The following PFDN6 variants were observed in gnomAD, a reference collection of about 807,000 sequenced individuals.
The protein encoded by PFDN6 is HLA class II region expressed gene KE2.
PFDN6 carries 5 observed loss-of-function variants against 19.3 expected under a neutral mutation model. The observed-to-expected ratio is 0.26, with a 90% CI of 0.14 to 0.55. The LOEUF is 0.55. Among genes scored for constraint, PFDN6 ranks in the 20% least tolerant of loss-of-function variants. The probability of loss-of-function intolerance (pLI) is 0.94; values close to 1 mark genes in which losing one functional copy is unlikely to be tolerated. For synonymous variants in PFDN6, 51 were observed against 63.4 expected (o/e 0.80, Z 0.93); for missense variants, 101 against 149.4 (o/e 0.68, Z 1.69).
intron 3 of PFDN6, 99 bp downstream of exon 3, chr6:33,290,549 C>A: frequency 6.7e-7 from 1 of 1,482,702 alleles, no homozygotes; most frequent in South Asian, 1.3e-5. Flanking sequence ...TCCATAGTGG[C>A]CCCTAGTCCT....
intron 1 of PFDN6, 113 bp from the exon 2 acceptor site, chr6:33,290,061 C>CA: frequency 7.5e-7 from 1 of 1,333,610 alleles, no homozygotes; most frequent in Non-Finnish European, 1.1e-6. Context: ...CCTGTTCACT[C>CA]ACCCGCTGCC....
chr6:33,289,495 C>T, upstream of PFDN6: 1 of 1,212,976 alleles, frequency 8.2e-7, no homozygotes. Flanking sequence ...GTCTTTTTAG[C>T]AGAACTCCAC....
Position 33,289,812 on chromosome 6 carries a change from G to A in PFDN6, c.-45G>A. 1.3e-6 allele frequency: 2 copies of A among 1,498,332 alleles called. No individual in the cohort carries two copies. Among genetic ancestry groups the A allele is most frequent in the South Asian group, 2.5e-5 (2 of 79,182 alleles). The allele number at this position is 1,498,332 out of a possible 1,614,324, so 92.8% of individuals were successfully genotyped here. On this transcript the variant is annotated 5_prime_UTR_variant, in exon 1 of 4. Transcript: ENST00000374606. ...AGCTCAGGTACCTTCCAGAGAGTGA[G>A]ACCCAGCGCCCTTGTCTCGCACCCA...
chr6:33,289,630 T>C lies in PFDN6; in HGVS notation c.-227T>C. ...CTACTGAAGGAAGAACGTGAGTAGG[T>C]TAGGATTTCGGTTGAGAGGCTTGGG... On this transcript the variant is annotated 5_prime_UTR_variant, in exon 1 of 4. Transcript: ENST00000374606. The C allele has an allele frequency of 3.5e-6, 2 of 576,954 alleles. No individual in the cohort carries two copies. Among genetic ancestry groups the C allele is most frequent in the Non-Finnish European group, 5.4e-6 (2 of 367,564 alleles). The allele number at this position is 576,954 out of a possible 1,614,324, so 35.7% of individuals were successfully genotyped here.
At chr6:33,289,277 C>T, upstream of PFDN6, 2 of 1,510,532 alleles carry the variant, frequency 1.3e-6, no homozygotes, top group South Asian at 1.3e-5. Flanking sequence ...CAGCAGCGTA[C>T]CAGGTATGAA....
Position 33,289,923 on chromosome 6 carries a change from A to G in PFDN6, c.64+3A>G. ...GAAATATCAACAGCTACAGAAGGGTAAGGGAACAGGGTCGGTATGGTCTCG... is the reference window on the plus strand; with the variant it reads ...GAAATATCAACAGCTACAGAAGGGTGAGGGAACAGGGTCGGTATGGTCTCG... On this transcript the variant is annotated splice_donor_region_variant and intron_variant, in intron 1 of 3. Coordinates refer to ENST00000374606, the MANE Select transcript of PFDN6 (RefSeq NM_001185181.3). 2 of 1,606,642 alleles carry G rather than the reference A, an allele frequency of 1.2e-6. No homozygotes were observed. The highest frequency in any genetic ancestry group is 1.7e-4 in the Middle Eastern group (1 of 6,028).
chr6:33,290,290 A>G (rs773504095), intron 2 of PFDN6, 36 bp from the exon 3 acceptor site: 16 of 1,613,946 alleles, frequency 9.9e-6, no homozygotes, highest in African/African-American at 1.3e-5. Flanking sequence ...TGTACTAGCC[A>G]TGGTTCTGAT....
upstream of PFDN6, chr6:33,289,360 C>A (rs1440683985): frequency 4.5e-6 from 6 of 1,333,904 alleles, no homozygotes; most frequent in Middle Eastern, 2.8e-4. Context: ...CACCTTATCG[C>A]GAGCGGCAGC....
chr6:33,289,643 T>C lies in PFDN6; in HGVS notation c.-214T>C. On this transcript the variant is annotated 5_prime_UTR_variant, in exon 1 of 4. Coordinates refer to ENST00000374606, the MANE Select transcript of PFDN6 (RefSeq NM_001185181.3). ...AACGTGAGTAGGTTAGGATTTCGGT[T>C]GAGAGGCTTGGGGTCTTGCGTTTCG... 1 of 561,880 alleles carries C rather than the reference T, an allele frequency of 1.8e-6. No homozygotes were observed. The highest frequency in any genetic ancestry group is 2.8e-6 in the Non-Finnish European group (1 of 352,068). The allele number at this position is 561,880 out of a possible 1,614,324, so 34.8% of individuals were successfully genotyped here.
chr6:33,290,712 T>A lies in PFDN6; in HGVS notation c.261-4T>A. 1 of 1,613,360 alleles carries A rather than the reference T, an allele frequency of 6.2e-7. No homozygotes were observed. The stretch of plus-strand genomic sequence containing the variant: ...TTCTGCTTGTCTCCCTTGTCTCTCC[T>A]TAGTAAGCGATACGAATCCCAGCTT... On this transcript the variant is annotated splice_region_variant and splice_polypyrimidine_tract_variant and intron_variant, in intron 3 of 3. Coordinates refer to ENST00000374606, the MANE Select transcript of PFDN6 (RefSeq NM_001185181.3).
chr6:33,290,555 G>A, intron 3 of PFDN6, 105 bp downstream of exon 3: 1 of 1,479,234 alleles, frequency 6.8e-7, no homozygotes, highest in Non-Finnish European at 9.1e-7. Flanking sequence ...GTGGCCCCTA[G>A]TCCTCCAGTT....
At chr6:33,290,564 T>C in intron 3 of PFDN6, 114 bp downstream of exon 3, 1 of 1,467,862 alleles carries the variant, frequency 6.8e-7, no homozygotes, top group South Asian at 1.3e-5. Flanking sequence ...AGTCCTCCAG[T>C]TCCTCCAACC....
In PFDN6 at chr6:33,290,871, A is replaced by G; in HGVS notation, c.*26A>G. On this transcript the variant is annotated 3_prime_UTR_variant, in exon 4 of 4. Coordinates refer to ENST00000374606, the MANE Select transcript of PFDN6 (RefSeq NM_001185181.3). Reference sequence around the variant, plus strand: ...CCCCATGGTGGGGGGAGGGGAGGGGAGGGGAGGGAATGAGGCAGCTCTAGG... The same window carrying G: ...CCCCATGGTGGGGGGAGGGGAGGGGGGGGGAGGGAATGAGGCAGCTCTAGG... The G allele has an allele frequency of 1.1e-6, 1 of 879,036 alleles. No individual in the cohort carries two copies. Among genetic ancestry groups the G allele is most frequent in the Non-Finnish European group, 1.7e-6 (1 of 575,278 alleles). 54.5% of individuals were successfully genotyped at this position (879,036 alleles called of 1,614,324 possible).
rs1188565755 is a variant in PFDN6 at position 33,289,725 on chromosome 6, G to A, written c.-132G>A. ...ATATCCGGGACGGGGGGGAGGTTGCGGTGCCCCTCAGGGCTACCTCTCAAG... is the reference window on the plus strand; with the variant it reads ...ATATCCGGGACGGGGGGGAGGTTGCAGTGCCCCTCAGGGCTACCTCTCAAG... On this transcript the variant is annotated 5_prime_UTR_variant, in exon 1 of 4. Transcript: ENST00000374606. 1.0e-5 allele frequency: 7 copies of A among 678,752 alleles called. No individual in the cohort carries two copies. The African/African-American group carries it at 1.3e-4, about 12-fold the overall frequency. The allele number at this position is 678,752 out of a possible 1,614,324, so 42.0% of individuals were successfully genotyped here.
At chr6:33,289,223 A>T, upstream of PFDN6, 1 of 1,576,992 alleles carries the variant, frequency 6.3e-7, no homozygotes, top group East Asian at 2.2e-5. Flanking sequence ...GCTGCCACAC[A>T]GTCGGCTTGA....
Position 33,290,407 on chromosome 6 carries a change from C to T in PFDN6, c.217C>T (p.Arg73Trp). The stretch of plus-strand genomic sequence containing the variant: ...AGTCAAACAGGAGCTGGGGGAGGCT[C>T]GGGCCACAGTAGGGAAGAGGCTGGA... The part of the protein sequence containing the change: ...VLVKQELGEA[R>W]ATVGKRLDYI... The change falls in exon 3 of 4, where the codon CGG becomes TGG. Residue 73 changes from arginine (R) to tryptophan (W), a missense_variant. Transcript: ENST00000374606. The T allele has an allele frequency of 6.2e-7, 1 of 1,601,672 alleles. No individual in the cohort carries two copies. Among genetic ancestry groups the T allele is most frequent in the Non-Finnish European group, 8.5e-7 (1 of 1,173,512 alleles).
At chr6:33,289,539 A>G (rs1767088702), upstream of PFDN6, 2 of 975,380 alleles carry the variant, frequency 2.1e-6, no homozygotes, top group South Asian at 3.9e-5. Flanking sequence ...CTTCCCATCA[A>G]GGGTCAGAAA....
intron 3 of PFDN6, 80 bp from the exon 4 acceptor site, chr6:33,290,636 C>G: frequency 1.3e-6 from 2 of 1,546,354 alleles, no homozygotes; most frequent in Non-Finnish European, 1.8e-6. Context: ...TTCCACCTAT[C>G]TCTTTCTTGC....
At chr6:33,290,928 ACCTGGCTCTGTTT>A in exon 4 of PFDN6, 1 of 1,335,808 alleles carries the variant, frequency 7.5e-7, no homozygotes, top group Non-Finnish European at 1.0e-6. Context: ...ATGTAAAAAC[ACCTGGCTCTGTTT>A]CCTGACCAGG....
Sources: allele counts gnomAD v4.1 joint callset, GRCh38; gene constraint gnomAD v4.1.1; transcripts MANE v1.5; gene names NCBI Gene and HGNC (gene_info 2026-07-23, HGNC 2026-07-21).